The following KIAA0408 variants were observed in gnomAD, a reference collection of about 807,000 sequenced individuals.
The protein encoded by KIAA0408 is uncharacterized protein KIAA0408.
In KIAA0408, 51 loss-of-function variants were observed where a neutral mutation model predicts 60.9. The ratio of observed to expected loss-of-function variants is 0.84; its 90% CI spans 0.67 to 1.06. The LOEUF (loss-of-function observed/expected upper bound fraction) is 1.06, where lower values mean the gene tolerates loss of function less well. Among genes scored for constraint, KIAA0408 ranks in the 50% least tolerant of loss-of-function variants. The pLI is 0.00. For missense variants in KIAA0408, 787 were observed against 833.9 expected (o/e 0.94, Z 0.69); for synonymous variants, 304 against 282.4 (o/e 1.08, Z -0.77).
At chr6:127,451,334 G>A (rs1562371561) in intron 2 of KIAA0408, 1 of 455,466 alleles carries the variant, frequency 2.2e-6, no homozygotes, top group East Asian at 7.0e-5. Context: ...AATATACAGT[G>A]TATTTATTTT....
chr6:127,457,828 C>G (rs914010556), intron 1 of KIAA0408, among the ~76,000 whole-genome samples: 5 of 152,192 alleles, frequency 3.3e-5, no homozygotes, highest in African/African-American at 1.2e-4. Context: ...ATTCTTAGGA[C>G]ACCTGGGTCA....
rs770972845 is a variant in KIAA0408, at chr6:127,450,149, A to G, written c.339T>C (p.Ser113=). The part of the protein sequence containing the change: ...KENKREQSLV[S]GGNQMCKEQK... ...GTTCCTTACACATTTGATTTCCTCCACTGACTAAGCTCTGCTCTCTTTTAT... is the reference window on the plus strand; with the variant it reads ...GTTCCTTACACATTTGATTTCCTCCGCTGACTAAGCTCTGCTCTCTTTTAT... Residue 113 remains serine (S), a synonymous_variant, in exon 3 of 6, where the codon AGT becomes AGC. Transcript: ENST00000483725. 2 of 1,613,958 alleles carry G rather than the reference A, an allele frequency of 1.2e-6. No individual in the cohort carries two copies. Among genetic ancestry groups the G allele is most frequent in the South Asian group, 1.1e-5 (1 of 91,076 alleles).
rs1773098422 is a variant in KIAA0408 at position 127,440,941 on chromosome 6, A to C, written c.*3168T>G. 1 of 152,150 alleles carries C rather than the reference A, an allele frequency of 6.6e-6. No homozygotes were observed. Among genetic ancestry groups the C allele is most frequent in the Non-Finnish European group, 1.5e-5 (1 of 68,016 alleles). The allele number at this position is 152,150 out of a possible 1,614,324, so 9.4% of individuals were successfully genotyped here. On this transcript the variant is annotated 3_prime_UTR_variant, in exon 6 of 6. Transcript: ENST00000483725. ...TGGAAGAAGCTAGAGTGAACTGTGT[A>C]CATATATGAGTTTAGATTTCATAAG...
intron 2 of KIAA0408, among the ~76,000 whole-genome samples, chr6:127,452,781 C>A (rs1773323371): frequency 1.3e-5 from 2 of 151,984 alleles, no homozygotes; most frequent in South Asian, 4.1e-4. Context: ...TTTGTTGATC[C>A]AATCCGAGTA....
intron 1 of KIAA0408, among the ~76,000 whole-genome samples, chr6:127,456,044 G>A (rs562877547): frequency 6.6e-6 from 1 of 152,262 alleles, no homozygotes; most frequent in South Asian, 2.1e-4. Context: ...CTTGAAACTA[G>A]CAGACTGCTT....
rs770219441 is a variant in KIAA0408, at chr6:127,447,035, G to C, written c.1284C>G (p.Gly428=). 8 of 1,613,354 alleles carry C rather than the reference G, an allele frequency of 5.0e-6. No individual in the cohort carries two copies. The South Asian group carries it at 8.8e-5, about 18-fold the overall frequency. The change falls in exon 5 of 6, where the codon GGC becomes GGG. Residue 428 remains glycine, a synonymous_variant. Coordinates refer to ENST00000483725, the MANE Select transcript of KIAA0408 (RefSeq NM_014702.5). ...SSSPLRNFSC[G]FERTTRNEKL... is the part of the protein sequence containing the mutation. ...TCTCATTCCTTGTAGTCCTTTCAAA[G>C]CCACAACTGAAATTTCTAAGTGGGC...
chr6:127,447,764 T>A, intron 4 of KIAA0408, 24 bp from the exon 5 acceptor site: 2 of 1,512,128 alleles, frequency 1.3e-6, no homozygotes, highest in Non-Finnish European at 1.8e-6. Flanking sequence ...AAACATGGTG[T>A]ATTGGTTATA....
Position 127,447,309 on chromosome 6 carries a change from A to T in KIAA0408, c.1010T>A (p.Phe337Tyr). Residue 337 changes from phenylalanine to tyrosine, a missense_variant, in exon 5 of 6, where the codon TTT becomes TAT. Coordinates refer to ENST00000483725, the MANE Select transcript of KIAA0408 (RefSeq NM_014702.5). ...TTTGACTTCTGGTACCAAAGAGGAA[A>T]AGATGATACCATCTTTCGAAGTTTT... Reference protein sequence around the residue: ...EGKTSKDGIIFSSLVPEVKID... With the variant: ...EGKTSKDGIIYSSLVPEVKID... 6.2e-7 allele frequency: 1 copy of T among 1,613,998 alleles called. No homozygotes were observed. Among genetic ancestry groups the T allele is most frequent in the Middle Eastern group, 1.7e-4 (1 of 6,058 alleles).
At chr6:127,456,216 C>T (rs934408770) in intron 1 of KIAA0408, among the ~76,000 whole-genome samples, 1 of 152,118 alleles carries the variant, frequency 6.6e-6, no homozygotes, top group East Asian at 1.9e-4. Flanking sequence ...TTTCAAGCTA[C>T]CTGGAAAAGA....
At chr6:127,457,866 T>G (rs889339026) in intron 1 of KIAA0408, among the ~76,000 whole-genome samples, 9 of 152,212 alleles carry the variant, frequency 5.9e-5, no homozygotes, top group African/African-American at 2.2e-4. Context: ...AACTCGCCCA[T>G]TGAAAACTGG....
intron 5 of KIAA0408, among the ~76,000 whole-genome samples, chr6:127,444,755 C>CT (rs570405764): frequency 1.4e-4 from 21 of 146,566 alleles, no homozygotes; most frequent in East Asian, 5.9e-4. Flanking sequence ...TAATCTGATG[C>CT]TTTTTTTTTT....
rs1773077316 is a variant in KIAA0408, at chr6:127,439,880, C to A, written c.*4229G>T. Reference sequence around the variant, plus strand: ...CACATGGGACATTTATACAGGAGAGCAGATCATGAGTGAGCCCAGGCTTGG... The same window carrying A: ...CACATGGGACATTTATACAGGAGAGAAGATCATGAGTGAGCCCAGGCTTGG... On this transcript the variant is annotated 3_prime_UTR_variant, in exon 6 of 6. Coordinates refer to ENST00000483725, the MANE Select transcript of KIAA0408 (RefSeq NM_014702.5). 1 of 152,170 alleles carries A rather than the reference C, an allele frequency of 6.6e-6. No individual in the cohort carries two copies. The highest frequency in any genetic ancestry group is 2.4e-5 in the African/African-American group (1 of 41,426). The allele number at this position is 152,170 out of a possible 1,614,324, so 9.4% of individuals were successfully genotyped here.
At position 127,442,777 on chromosome 6, in the gene KIAA0408, A is replaced by T. The variant is rs942325286; in HGVS notation, c.*1332T>A. The T allele has an allele frequency of 6.6e-6, 1 of 152,238 alleles. No individual in the cohort carries two copies. Among genetic ancestry groups the T allele is most frequent in the Non-Finnish European group, 1.5e-5 (1 of 68,026 alleles). The allele number at this position is 152,238 out of a possible 1,614,324, so 9.4% of individuals were successfully genotyped here. ...TAAAAGAAAAGCTTAAATAGAGTTA[A>T]TATCTAATAACATAACATAATTGGT... On this transcript the variant is annotated 3_prime_UTR_variant, in exon 6 of 6. Coordinates refer to ENST00000483725, the MANE Select transcript of KIAA0408 (RefSeq NM_014702.5).
At chr6:127,453,613 TG>T (rs1773339941) in intron 2 of KIAA0408, among the ~76,000 whole-genome samples, 1 of 152,034 alleles carries the variant, frequency 6.6e-6, no homozygotes, top group Admixed American at 6.6e-5. Flanking sequence ...AATAATAAGT[TG>T]AAACATTATA....
At position 127,447,750 on chromosome 6, in the gene KIAA0408, G is replaced by GATA; in HGVS notation, c.579-13_579-11dup. 1 of 1,526,364 alleles carries GATA rather than the reference G, an allele frequency of 6.6e-7. No individual in the cohort carries two copies. Among genetic ancestry groups the GATA allele is most frequent in the East Asian group, 2.3e-5 (1 of 44,100 alleles). The allele number at this position is 1,526,364 out of a possible 1,614,324, so 94.6% of individuals were successfully genotyped here. The stretch of plus-strand genomic sequence containing the variant: ...AGAATCTGACTTCATCCTAAACAAT[G>GATA]ATAAAACATGGTGTATTGGTTATAA... On this transcript the variant is annotated splice_polypyrimidine_tract_variant and intron_variant, in intron 4 of 5. Transcript: ENST00000483725.
In KIAA0408 at chr6:127,446,688, G is replaced by T. The variant is rs112232003; in HGVS notation, c.1631C>A (p.Pro544Gln). ...RNMLHEHDWR[P>Q]SNLSGRPRSA... ...CCTCGGACGGCCAGACAAATTACTC[G>T]GTCTCCAGTCATGCTCGTGGAGCAT... is the stretch of plus-strand genomic sequence containing the variant. Residue 544 changes from proline to glutamine, a missense_variant, in exon 5 of 6, where the codon CCG becomes CAG. By Grantham distance (76) the Pro-to-Gln change is moderately conservative (BLOSUM62 -1). Around this residue, in one of 3 missense-constraint regions of KIAA0408, gnomAD observed 640 missense variants for 681.3 expected, o/e 0.94. Coordinates refer to ENST00000483725, the MANE Select transcript of KIAA0408 (RefSeq NM_014702.5). The T allele has an allele frequency of 1.2e-6, 2 of 1,613,886 alleles. No homozygotes were observed. Among genetic ancestry groups the T allele is most frequent in the African/African-American group, 2.7e-5 (2 of 75,004 alleles).
intron 1 of KIAA0408, 111 bp downstream of exon 1, chr6:127,459,064 A>C (rs973394204): frequency 3.3e-5 from 5 of 152,254 alleles, no homozygotes; most frequent in Non-Finnish European, 7.3e-5. Flanking sequence ...CAGATGTTGA[A>C]ATTACACTCC....
At chr6:127,448,208 G>T (rs1773238218) in intron 4 of KIAA0408, among the ~76,000 whole-genome samples, 1 of 152,116 alleles carries the variant, frequency 6.6e-6, no homozygotes, top group Admixed American at 6.6e-5. Context: ...CTGAATAAAA[G>T]TGCAATGAGA....
chr6:127,454,435 T>G (rs962880478), intron 1 of KIAA0408, among the ~76,000 whole-genome samples: 6 of 151,794 alleles, frequency 4.0e-5, no homozygotes, highest in Admixed American at 2.0e-4. Flanking sequence ...TTCAAATGTA[T>G]GCTCACATCT....
Sources: gnomAD v4.1 joint callset for allele counts (sites outside exome capture counted in the v4.1 genomes callset) on GRCh38, gnomAD v4.1.1 for gene constraint, gnomAD v4.1.1 regional missense constraint, MANE v1.5 for transcripts, NCBI Gene and HGNC (gene_info 2026-07-23, HGNC 2026-07-21) for gene names.